Variants in SGCZ observed in about 807,000 individuals in gnomAD.
The protein encoded by SGCZ is sarcoglycan zeta, also known as zeta-sarcoglycan.
In SGCZ, 40 loss-of-function variants were observed where a neutral mutation model predicts 41.3. That is an observed-to-expected ratio of 0.97 (90% CI 0.75 to 1.26). The LOEUF (loss-of-function observed/expected upper bound fraction) is 1.26. Ranked by LOEUF, SGCZ falls within the 50% of genes most tolerant of loss-of-function variation. The probability of loss-of-function intolerance (pLI) is 0.00; values close to 1 mark genes in which losing one functional copy is unlikely to be tolerated. For missense variants in SGCZ, 552 were observed against 369.8 expected (o/e 1.49, Z -4.04); for synonymous variants, 206 against 137.5 (o/e 1.50, Z -3.49).
chr8:14,698,906 C>G (rs907516735), intron 1 of SGCZ, among the ~76,000 whole-genome samples: 1 of 151,910 alleles, frequency 6.6e-6, no homozygotes, highest in African/African-American at 2.4e-5. Context: ...TCTGGGTAAT[C>G]GTGAAAACTT....
At chr8:14,870,418 C>G (rs567563647) in intron 1 of SGCZ, among the ~76,000 whole-genome samples, 25 of 152,204 alleles carry the variant, frequency 1.6e-4, no homozygotes, top group African/African-American at 5.8e-4. Flanking sequence ...TTTCTTACAC[C>G]TTATATAAAA....
At chr8:14,612,293 G>A (rs75977438) in intron 1 of SGCZ, among the ~76,000 whole-genome samples, 4,260 of 152,152 alleles carry the variant, frequency 0.028, 197 homozygotes, top group African/African-American at 0.096. Flanking sequence ...TAGTGAGTGA[G>A]TTCTCATGAG....
chr8:14,298,287 G>A (rs1563242917), intron 3 of SGCZ, among the ~76,000 whole-genome samples: 1 of 151,826 alleles, frequency 6.6e-6, no homozygotes, highest in African/African-American at 2.4e-5. Flanking sequence ...TTTCCTTTTA[G>A]ATTGGAAATA....
chr8:14,467,537 G>C (rs542257283), intron 2 of SGCZ, among the ~76,000 whole-genome samples: 91 of 152,152 alleles, frequency 6.0e-4, no homozygotes, highest in African/African-American at 2.1e-3. Flanking sequence ...TGAGGGCTCT[G>C]AGATGGGTAG....
intron 1 of SGCZ, among the ~76,000 whole-genome samples, chr8:14,886,874 G>T (rs888290455): frequency 6.6e-6 from 1 of 152,154 alleles, no homozygotes; most frequent in Non-Finnish European, 1.5e-5. Context: ...AGAGGCTACT[G>T]CAATAAAAGA....
At chr8:14,973,918 A>G (rs1389593831) in intron 1 of SGCZ, among the ~76,000 whole-genome samples, 1 of 152,172 alleles carries the variant, frequency 6.6e-6, no homozygotes, top group Admixed American at 6.5e-5. Flanking sequence ...GACATAAGAG[A>G]CTAGGCTTTT....
At chr8:14,676,611 G>A (rs1191380002) in intron 1 of SGCZ, among the ~76,000 whole-genome samples, 3 of 151,984 alleles carry the variant, frequency 2.0e-5, no homozygotes, top group Admixed American at 1.3e-4. Flanking sequence ...AAAACCTACT[G>A]CACAATAATA....
At chr8:14,465,141 C>T (rs892935794) in intron 2 of SGCZ, among the ~76,000 whole-genome samples, 1 of 151,590 alleles carries the variant, frequency 6.6e-6, no homozygotes, top group African/African-American at 2.4e-5. Flanking sequence ...TCTGATGTTT[C>T]TCCCTATTAT....
chr8:14,528,827 CAAAA>C (rs760788606), intron 2 of SGCZ, among the ~76,000 whole-genome samples: 3 of 52,716 alleles, frequency 5.7e-5, no homozygotes, highest in African/African-American at 2.1e-4. Flanking sequence ...ACGGACCAGC[CAAAA>C]AAAAAACAAA....
intron 2 of SGCZ, among the ~76,000 whole-genome samples, chr8:14,533,151 C>G (rs144921687): frequency 1.8e-4 from 27 of 152,022 alleles, no homozygotes; most frequent in South Asian, 6.2e-4. Context: ...CCACTCCCCC[C>G]ACCCCACAAC....
chr8:15,108,513 T>G (rs1242407411), intron 1 of SGCZ, among the ~76,000 whole-genome samples: 1 of 152,184 alleles, frequency 6.6e-6, no homozygotes, highest in Non-Finnish European at 1.5e-5. Context: ...AAACAACCAT[T>G]GAACAACTGT....
In SGCZ at chr8:14,381,612, A is replaced by G. The variant is rs186411227; in HGVS notation, c.235-57408T>C. ...CAACATGATGAAACCCCGGTTCTAC[A>G]AAAAAAAAAATGAAAAATTGGCTGG... On this transcript the variant is annotated intron_variant, in intron 2 of 7. Coordinates refer to ENST00000382080, the MANE Select transcript of SGCZ (RefSeq NM_139167.4). Among the ~76,000 whole-genome samples the G allele has an allele frequency of 8.6e-3, 1,260 of 146,160 alleles. 13 individuals carry two copies. The highest frequency in any genetic ancestry group is 0.019 in the South Asian group (85 of 4,546).
At chr8:14,225,628 A>G (rs1806347164) in intron 4 of SGCZ, among the ~76,000 whole-genome samples, 1 of 152,130 alleles carries the variant, frequency 6.6e-6, no homozygotes, top group East Asian at 1.9e-4. Context: ...TTATCCACAT[A>G]TATGTGATAT....
intron 2 of SGCZ, among the ~76,000 whole-genome samples, chr8:14,498,193 G>GTCA (rs1241151526): frequency 6.6e-6 from 1 of 152,056 alleles, no homozygotes; most frequent in Non-Finnish European, 1.5e-5. Context: ...CTATTACTCT[G>GTCA]TCATATGCTG....
At chr8:14,542,034 C>G (rs530054658) in intron 2 of SGCZ, among the ~76,000 whole-genome samples, 1 of 152,108 alleles carries the variant, frequency 6.6e-6, no homozygotes, top group East Asian at 1.9e-4. Context: ...GATATTAGCT[C>G]TTTGTCAGAT....
chr8:14,193,293 C>A (rs533666202), intron 4 of SGCZ, among the ~76,000 whole-genome samples: 4 of 151,192 alleles, frequency 2.6e-5, no homozygotes, highest in Admixed American at 2.0e-4. Context: ...GAGGCAAGCA[C>A]AAATCATCAT....
chr8:14,237,385 C>T (rs1317161312), intron 4 of SGCZ, among the ~76,000 whole-genome samples: 3 of 151,978 alleles, frequency 2.0e-5, no homozygotes, highest in Non-Finnish European at 4.4e-5. Flanking sequence ...AAAACAAGCA[C>T]AGTAGGCCAG....
intron 1 of SGCZ, among the ~76,000 whole-genome samples, chr8:15,082,370 T>C (rs1805785602): frequency 6.6e-6 from 1 of 151,980 alleles, no homozygotes; most frequent in Non-Finnish European, 1.5e-5. Flanking sequence ...ACATGTTGGT[T>C]AATTAACAGA....
At chr8:14,781,326 G>A (rs1233855590) in intron 1 of SGCZ, among the ~76,000 whole-genome samples, 2 of 152,116 alleles carry the variant, frequency 1.3e-5, no homozygotes, top group Admixed American at 1.3e-4. Context: ...CAGCCTCCCA[G>A]GTTCTAGCGA....
Sources: gnomAD v4.1 joint callset for allele counts (sites outside exome capture counted in the v4.1 genomes callset) on GRCh38, gnomAD v4.1.1 for gene constraint, MANE v1.5 for transcripts, NCBI Gene and HGNC (gene_info 2026-07-23, HGNC 2026-07-21) for gene names.